The following ZFHX3 variants were observed in gnomAD, a reference collection of about 807,000 sequenced individuals.
ZFHX3 encodes the protein zinc finger homeobox 3.
ZFHX3 carries 42 observed loss-of-function variants against 279.1 expected under a neutral mutation model. The observed-to-expected ratio is 0.15, with a 90% CI of 0.12 to 0.19. ZFHX3 has a LOEUF of 0.19. Among genes scored for constraint, ZFHX3 ranks in the 10% least tolerant of loss-of-function variants. The pLI, the probability that ZFHX3 is intolerant of heterozygous loss-of-function variation, is 1.00. For missense variants in ZFHX3, 4,981 were observed against 4,754.0 expected, an observed-to-expected ratio of 1.05 and a Z score of -1.40; for synonymous variants, 2,293 against 1,957.8, an observed-to-expected ratio of 1.17 and a Z score of -4.52.
intron 4 of ZFHX3, among the ~76,000 whole-genome samples, chr16:73,277,505 T>G (rs753035753): frequency 6.6e-6 from 1 of 152,186 alleles, no homozygotes; most frequent in Non-Finnish European, 1.5e-5. Context: ...CTACCATTTA[T>G]AGAGGAGAAC....
chr16:73,794,944 T>G (rs1669180601), intron 1 of ZFHX3, among the ~76,000 whole-genome samples: 1 of 152,164 alleles, frequency 6.6e-6, no homozygotes, highest in Non-Finnish European at 1.5e-5. Context: ...ATAAAAAAAG[T>G]GTCTAAAAAT....
chr16:73,158,577 C>T lies in ZFHX3; in HGVS notation c.-1103-14746G>A, dbSNP rs140945241. 5.9e-3 allele frequency among the ~76,000 whole-genome samples: 901 copies of T among 152,192 alleles called. 12 individuals are homozygous for T. The highest frequency in any genetic ancestry group is 0.021 in the African/African-American group (861 of 41,494). On this transcript the variant is annotated intron_variant, in intron 5 of 17. Coordinates refer to the ZFHX3 transcript ENST00000641206. ...CATATACAGCATAAACCAACATTGA[C>T]CCTTATTCTTCTAGATTCTTTAGGT...
At chr16:72,917,722 T>C (rs935404752) in intron 3 of ZFHX3, among the ~76,000 whole-genome samples, 4 of 152,214 alleles carry the variant, frequency 2.6e-5, no homozygotes, top group Non-Finnish European at 4.4e-5. Context: ...TATACCAAAA[T>C]GTTTAAAATT....
intron 1 of ZFHX3, among the ~76,000 whole-genome samples, chr16:73,027,777 G>A (rs549752773): frequency 6.6e-6 from 1 of 152,086 alleles, no homozygotes; most frequent in Admixed American, 6.6e-5. Flanking sequence ...CAGAAAGCAG[G>A]TTCCCTCACT....
intron 1 of ZFHX3, among the ~76,000 whole-genome samples, chr16:73,845,874 G>A (rs1377380469): frequency 6.6e-6 from 1 of 152,112 alleles, no homozygotes; most frequent in African/African-American, 2.4e-5. Flanking sequence ...GAGTGCAGTG[G>A]CACAATCTTG....
At chr16:73,709,275 G>A (rs2053334363) in intron 1 of ZFHX3, among the ~76,000 whole-genome samples, 1 of 152,004 alleles carries the variant, frequency 6.6e-6, no homozygotes, top group Non-Finnish European at 1.5e-5. Context: ...TGAGGTGGGA[G>A]GATCACTTGA....
At chr16:73,758,075 G>A (rs1306251671) in intron 1 of ZFHX3, among the ~76,000 whole-genome samples, 1 of 152,186 alleles carries the variant, frequency 6.6e-6, no homozygotes, top group Non-Finnish European at 1.5e-5. Context: ...TTCAGAACAT[G>A]ATGTCCTGCC....
At chr16:73,396,284 A>C (rs1172425160) in intron 3 of ZFHX3, among the ~76,000 whole-genome samples, 1 of 152,220 alleles carries the variant, frequency 6.6e-6, no homozygotes, top group Non-Finnish European at 1.5e-5. Flanking sequence ...TTATTTATGA[A>C]TATCTTGCAC....
chr16:73,664,592 T>C (rs1018637070), intron 2 of ZFHX3, among the ~76,000 whole-genome samples: 1 of 152,206 alleles, frequency 6.6e-6, no homozygotes, highest in Non-Finnish European at 1.5e-5. Flanking sequence ...ATTTGCCATT[T>C]TGGACTTCCC....
intron 1 of ZFHX3, among the ~76,000 whole-genome samples, chr16:73,728,335 C>A (rs972296355): frequency 2.6e-5 from 4 of 152,124 alleles, no homozygotes; most frequent in Non-Finnish European, 4.4e-5. Flanking sequence ...AGACTTCTAG[C>A]CTCCAGAACT....
At chr16:73,372,308 T>G (rs2016645076) in intron 3 of ZFHX3, among the ~76,000 whole-genome samples, 1 of 152,124 alleles carries the variant, frequency 6.6e-6, no homozygotes, top group African/African-American at 2.4e-5. Context: ...TTAAGGGCAA[T>G]AAAGGGTTTA....
intron 2 of ZFHX3, among the ~76,000 whole-genome samples, chr16:73,584,926 T>A (rs916598536): frequency 6.6e-6 from 1 of 152,128 alleles, no homozygotes; most frequent in African/African-American, 2.4e-5. Flanking sequence ...GCAAAGGACA[T>A]GAATAGACAC....
intron 2 of ZFHX3, among the ~76,000 whole-genome samples, chr16:73,571,332 C>T (rs1464007272): frequency 6.6e-6 from 1 of 151,972 alleles, no homozygotes; most frequent in African/African-American, 2.4e-5. Context: ...AACGAAAAAG[C>T]TTAGTTCTTT....
At chr16:73,534,914 C>T (rs763666006) in intron 2 of ZFHX3, among the ~76,000 whole-genome samples, 1 of 152,140 alleles carries the variant, frequency 6.6e-6, no homozygotes, top group Non-Finnish European at 1.5e-5. Context: ...ACTCTCATGA[C>T]CCATGCATGG....
At chr16:73,428,260 C>T (rs11149790) in intron 3 of ZFHX3, among the ~76,000 whole-genome samples, 26,092 of 152,038 alleles carry the variant, frequency 0.17, 2,870 homozygotes, top group East Asian at 0.52. Flanking sequence ...CGGCCTTGAA[C>T]TCTCCGTCTG....
intron 1 of ZFHX3, among the ~76,000 whole-genome samples, chr16:72,996,118 AC>A (rs1963279180): frequency 6.6e-6 from 1 of 151,580 alleles, no homozygotes; most frequent in Non-Finnish European, 1.5e-5. Flanking sequence ...ACACACACAC[AC>A]ACACACACAC....
rs533246297 is a variant in ZFHX3, at chr16:73,388,262, G to C, written c.-1291+67741C>G. 2.6e-5 allele frequency among the ~76,000 whole-genome samples: 4 copies of C among 152,162 alleles called. No homozygotes were observed. The South Asian group carries it at 8.3e-4, about 32-fold the overall frequency. On this transcript the variant is annotated intron_variant, in intron 3 of 17. Transcript: ENST00000641206. ...TCCAGGCCTGTGTGGAGTATTCCTA[G>C]GGTAGCAGGTTTTTAAAGTCAGGGT...
At chr16:72,932,072 T>A (rs1168363114) in intron 3 of ZFHX3, among the ~76,000 whole-genome samples, 1 of 152,214 alleles carries the variant, frequency 6.6e-6, no homozygotes, top group Non-Finnish European at 1.5e-5. Context: ...AATATACATG[T>A]AAGGGAATGA....
rs1039773562 is a variant in ZFHX3, at chr16:72,902,248, T to C, written c.3217-12286A>G. ...CGGATGACAGAGTCCAACTTTCCCA[T>C]TACAGCTGTTCGTTCCTTTAAGAGG... is the stretch of plus-strand genomic sequence containing the variant. On this transcript the variant is annotated intron_variant, in intron 3 of 9. Coordinates refer to ENST00000268489, the MANE Select transcript of ZFHX3 (RefSeq NM_006885.4). 3.3e-5 allele frequency among the ~76,000 whole-genome samples: 5 copies of C among 152,188 alleles called. No homozygotes were observed. The South Asian group carries it at 1.0e-3, about 32-fold the overall frequency.
Sources: gnomAD v4.1 joint callset for allele counts (sites outside exome capture counted in the v4.1 genomes callset) on GRCh38, gnomAD v4.1.1 for gene constraint, MANE v1.5 for transcripts, NCBI Gene and HGNC (gene_info 2026-07-23, HGNC 2026-07-21) for gene names.